C2CD4D: variants seen among roughly 807,000 people sequenced by gnomAD.
The protein encoded by C2CD4D is C2 calcium-dependent domain-containing protein 4D.
C2CD4D carries 1 observed loss-of-function variant against 0.2 expected under a neutral mutation model. That is an observed-to-expected ratio of 4.00 (90% CI 1.42 to 18.99). The LOEUF (loss-of-function observed/expected upper bound fraction) is 18.99, where lower values mean the gene tolerates loss of function less well. Ranked by LOEUF, C2CD4D falls within the 30% of genes most tolerant of loss-of-function variation. The pLI, the probability that C2CD4D is intolerant of heterozygous loss-of-function variation, is 0.11. For synonymous variants in C2CD4D, 269 were observed against 279.8 expected, an observed-to-expected ratio of 0.96 and a Z score of 0.39; for missense variants, 552 against 551.2, an observed-to-expected ratio of 1.00 and a Z score of -0.01.
chr1:151,838,041 G>A (rs1376776787), exon 2 of C2CD4D: 1 of 1,551,494 alleles, frequency 6.4e-7, no homozygotes, highest in Non-Finnish European at 8.7e-7. Context: ...ACATCCCTGC[G>A]AAGTCCCGCG....
exon 2 of C2CD4D, chr1:151,838,895 G>A (rs1448773517): frequency 1.9e-6 from 3 of 1,546,814 alleles, no homozygotes; most frequent in South Asian, 1.2e-5. Context: ...GGGCGGGCCC[G>A]GGGCGCGACG....
At chr1:151,837,891 C>T in exon 2 of C2CD4D, 2 of 1,470,354 alleles carry the variant, frequency 1.4e-6, no homozygotes, top group Non-Finnish European at 1.8e-6. Flanking sequence ...GGACTGCAGA[C>T]ACAGTGGAGA....
At chr1:151,838,265 T>G in exon 2 of C2CD4D, 1 of 1,325,614 alleles carries the variant, frequency 7.5e-7, no homozygotes, top group Non-Finnish European at 9.6e-7. Context: ...GGGCAGGCCC[T>G]CGGCGCTCAC....
Position 151,838,935 on chromosome 1 carries a change from G to T in C2CD4D, c.55C>A (p.Arg19Ser). 3 of 1,550,016 alleles carry T rather than the reference G, an allele frequency of 1.9e-6. No homozygotes were observed. The South Asian group carries it at 3.6e-5, about 18-fold the overall frequency. Reference sequence around the variant, plus strand: ...GAGAACAGGCCGGAAGGCGCCCAACGGGCCGCAGGCTCCGCGGCCCCCACC... The same window carrying T: ...GAGAACAGGCCGGAAGGCGCCCAACTGGCCGCAGGCTCCGCGGCCCCCACC... Residue 19 changes from arginine to serine, a missense_variant, in exon 2 of 2, where the codon CGT becomes AGT. Transcript: ENST00000454109.
At chr1:151,838,436 C>G (rs1318643119) in exon 2 of C2CD4D, 3 of 1,418,842 alleles carry the variant, frequency 2.1e-6, no homozygotes, top group African/African-American at 1.5e-5. Flanking sequence ...CCCGGCGCGG[C>G]GCGGCGAGTG....
exon 1 of C2CD4D, chr1:151,840,250 G>C (rs990078788): frequency 7.9e-5 from 12 of 152,402 alleles, no homozygotes; most frequent in Non-Finnish European, 2.9e-5. Flanking sequence ...CATCAGCCCG[G>C]TCTTCTGACT....
Sources: gnomAD v4.1 joint callset for allele counts on GRCh38, gnomAD v4.1.1 for gene constraint, MANE v1.5 for transcripts, NCBI Gene and HGNC (gene_info 2026-07-23, HGNC 2026-07-21) for gene names.